Variants in MAPK4 observed in about 807,000 individuals in gnomAD.
MAPK4 encodes mitogen-activated protein kinase 4.
A neutral mutation model predicts 47.7 loss-of-function variants in MAPK4; 22 were observed. The observed-to-expected ratio is 0.46, with a 90% CI of 0.33 to 0.66. MAPK4 has a LOEUF of 0.66. Among genes scored for constraint, MAPK4 ranks in the 30% least tolerant of loss-of-function variants. The probability of loss-of-function intolerance (pLI) is 0.02; values close to 1 mark genes in which losing one functional copy is unlikely to be tolerated. For synonymous variants in MAPK4, 390 were observed against 365.7 expected, an observed-to-expected ratio of 1.07 and a Z score of -0.76; for missense variants, 736 against 831.7, an observed-to-expected ratio of 0.88 and a Z score of 1.42.
intron 2 of MAPK4, among the ~76,000 whole-genome samples, chr18:50,671,657 T>C (rs62092191): frequency 0.97 from 147,188 of 152,200 alleles, 71,351 homozygotes; most frequent in East Asian, 1. Flanking sequence ...TTTGGGAGGC[T>C]TTGGGAAGAC....
intron 1 of MAPK4, among the ~76,000 whole-genome samples, chr18:50,625,492 T>C (rs1437969543): frequency 1.3e-5 from 2 of 152,064 alleles, no homozygotes; most frequent in Non-Finnish European, 2.9e-5. Flanking sequence ...TGAGCAAATG[T>C]GTATTGGGCT....
intron 4 of MAPK4, among the ~76,000 whole-genome samples, chr18:50,723,873 A>G (rs1003867377): frequency 6.6e-6 from 1 of 151,734 alleles, no homozygotes; most frequent in Non-Finnish European, 1.5e-5. Flanking sequence ...TCAAAAAAAA[A>G]AAAAAAAGAA....
chr18:50,697,623 G>C (rs1598924810), intron 2 of MAPK4, among the ~76,000 whole-genome samples: 1 of 152,204 alleles, frequency 6.6e-6, no homozygotes, highest in East Asian at 1.9e-4. Context: ...CAGATCCACA[G>C]CCTCTGAGGT....
chr18:50,690,097 C>A (rs1909127121), intron 2 of MAPK4, among the ~76,000 whole-genome samples: 1 of 152,166 alleles, frequency 6.6e-6, no homozygotes, highest in Admixed American at 6.5e-5. Flanking sequence ...TGAGCTAGAG[C>A]CCCAGAAGGC....
At chr18:50,573,214 G>T (rs1050006925) in intron 1 of MAPK4, among the ~76,000 whole-genome samples, 1 of 152,190 alleles carries the variant, frequency 6.6e-6, no homozygotes, top group African/African-American at 2.4e-5. Context: ...GGAGAAAAAA[G>T]AAGTCACTGT....
chr18:50,634,483 C>T (rs925764111), intron 1 of MAPK4, among the ~76,000 whole-genome samples: 4 of 152,114 alleles, frequency 2.6e-5, no homozygotes, highest in East Asian at 1.9e-4. Flanking sequence ...AATCCCTTGG[C>T]GTTTATTTTG....
intron 2 of MAPK4, 24 bp from the exon 3 acceptor site, chr18:50,715,055 G>A: frequency 6.2e-7 from 1 of 1,611,606 alleles, no homozygotes; most frequent in African/African-American, 1.3e-5. Context: ...ACTGATCAGT[G>A]GAACCAGAAA....
At chr18:50,653,604 G>A (rs562550582) in intron 1 of MAPK4, among the ~76,000 whole-genome samples, 19 of 152,304 alleles carry the variant, frequency 1.2e-4, no homozygotes, top group African/African-American at 4.3e-4. Flanking sequence ...GTGATCTTGA[G>A]GAAGTCATTT....
intron 3 of MAPK4, among the ~76,000 whole-genome samples, chr18:50,717,198 T>C (rs1910685236): frequency 6.6e-6 from 1 of 152,176 alleles, no homozygotes; most frequent in African/African-American, 2.4e-5. Flanking sequence ...ACATCCACCC[T>C]GGACTTTGTG....
At chr18:50,651,218 C>T (rs2144209426) in intron 1 of MAPK4, among the ~76,000 whole-genome samples, 1 of 152,324 alleles carries the variant, frequency 6.6e-6, no homozygotes, top group South Asian at 2.1e-4. Flanking sequence ...TCCCCACTGC[C>T]CATCTCCCTG....
chr18:50,689,712 G>A (rs181703068), intron 2 of MAPK4, among the ~76,000 whole-genome samples: 50 of 152,234 alleles, frequency 3.3e-4, no homozygotes, highest in Non-Finnish European at 6.2e-4. Flanking sequence ...GCAACAGAGC[G>A]AGAACCCACC....
chr18:50,680,549 T>A (rs1908533563), intron 2 of MAPK4, among the ~76,000 whole-genome samples: 1 of 151,770 alleles, frequency 6.6e-6, no homozygotes. Context: ...AAAAGAAACA[T>A]CATCCCATCC....
At chr18:50,615,740 T>C (rs922020589) in intron 1 of MAPK4, among the ~76,000 whole-genome samples, 3 of 152,244 alleles carry the variant, frequency 2.0e-5, no homozygotes, top group Non-Finnish European at 1.5e-5. Flanking sequence ...AATGATAATT[T>C]AGATTCAAGG....
At chr18:50,566,124 A>G (rs1598776006) in intron 1 of MAPK4, among the ~76,000 whole-genome samples, 1 of 152,374 alleles carries the variant, frequency 6.6e-6, no homozygotes, top group African/African-American at 2.4e-5. Context: ...CTGGCAATGT[A>G]TCAATGTCTA....
intron 1 of MAPK4, among the ~76,000 whole-genome samples, chr18:50,597,608 A>T (rs1000446232): frequency 6.6e-6 from 1 of 152,172 alleles, no homozygotes; most frequent in Admixed American, 6.5e-5. Context: ...TTTGGTGGCT[A>T]CCCTTGAGTT....
chr18:50,582,544 G>A (rs536647391), intron 1 of MAPK4, among the ~76,000 whole-genome samples: 6 of 152,326 alleles, frequency 3.9e-5, no homozygotes, highest in East Asian at 3.8e-4. Context: ...ATCAGTAGCC[G>A]CACCTAGAAG....
chr18:50,712,072 A>G (rs1274923435), intron 2 of MAPK4, among the ~76,000 whole-genome samples: 2 of 152,152 alleles, frequency 1.3e-5, no homozygotes, highest in Non-Finnish European at 2.9e-5. Context: ...CCAGCTTGGC[A>G]GAAGACACTG....
At chr18:50,575,581 AT>A (rs2042287540) in intron 1 of MAPK4, among the ~76,000 whole-genome samples, 1 of 152,192 alleles carries the variant, frequency 6.6e-6, no homozygotes, top group Non-Finnish European at 1.5e-5. Flanking sequence ...TAAGGCAAAG[AT>A]TTCATGAGGA....
At chr18:50,665,642 G>A (rs1294948822) in intron 2 of MAPK4, among the ~76,000 whole-genome samples, 3 of 152,166 alleles carry the variant, frequency 2.0e-5, no homozygotes, top group Admixed American at 6.5e-5. Flanking sequence ...TGCAGTGCAG[G>A]GCATCACAGG....
Sources: gnomAD v4.1 joint callset for allele counts (sites outside exome capture counted in the v4.1 genomes callset) on GRCh38, gnomAD v4.1.1 for gene constraint, MANE v1.5 for transcripts, NCBI Gene and HGNC (gene_info 2026-07-23, HGNC 2026-07-21) for gene names.